The following TJP1 variants were observed in gnomAD, a reference collection of about 807,000 sequenced individuals.
TJP1 encodes tight junction protein 1.
In TJP1, 43 loss-of-function variants were observed where a neutral mutation model predicts 194.2. The observed-to-expected ratio is 0.22, with a 90% CI of 0.17 to 0.29. The LOEUF is 0.29. Ranked by LOEUF, TJP1 falls within the 10% of genes least tolerant of loss-of-function variation. TJP1 has a pLI of 1.00. For synonymous variants in TJP1, 801 were observed against 779.0 expected, an observed-to-expected ratio of 1.03 and a Z score of -0.47; for missense variants, 1,971 against 2,185.7, an observed-to-expected ratio of 0.90 and a Z score of 1.96.
At chr15:29,917,114 A>G (rs1771964788) in intron 2 of TJP1, among the ~76,000 whole-genome samples, 2 of 152,254 alleles carry the variant, frequency 1.3e-5, no homozygotes, top group African/African-American at 4.8e-5. Flanking sequence ...CTATCAGGAC[A>G]CACAGCTATG....
intron 2 of TJP1, among the ~76,000 whole-genome samples, chr15:29,926,436 A>G (rs2054527496): frequency 6.6e-6 from 1 of 152,086 alleles, no homozygotes; most frequent in Admixed American, 6.6e-5. Context: ...ACATGGTGAA[A>G]CCGTCTCTAC....
At chr15:29,949,340 T>A (rs59143965) in intron 2 of TJP1, among the ~76,000 whole-genome samples, 57 of 75,432 alleles carry the variant, frequency 7.6e-4, no homozygotes, top group South Asian at 1.1e-3. Context: ...CTCCACCACC[T>A]CCACCACCAC....
intron 1 of TJP1, among the ~76,000 whole-genome samples, chr15:29,804,258 T>C (rs554418951): frequency 6.6e-6 from 1 of 152,232 alleles, no homozygotes; most frequent in African/African-American, 2.4e-5. Context: ...ATGATAATGG[T>C]AGAATCTTAG....
At chr15:29,840,790 A>G (rs2051197732) in intron 2 of TJP1, among the ~76,000 whole-genome samples, 1 of 152,228 alleles carries the variant, frequency 6.6e-6, no homozygotes, top group African/African-American at 2.4e-5. Context: ...GGGATAGAAG[A>G]AAGAATAACT....
intron 1 of TJP1, among the ~76,000 whole-genome samples, chr15:29,817,792 C>T (rs1402513074): frequency 3.3e-5 from 5 of 152,144 alleles, no homozygotes. Flanking sequence ...AATGAGAACA[C>T]ATGGACACAG....
At chr15:29,857,996 C>T (rs1402953245) in intron 2 of TJP1, among the ~76,000 whole-genome samples, 1 of 152,150 alleles carries the variant, frequency 6.6e-6, no homozygotes, top group Non-Finnish European at 1.5e-5. Flanking sequence ...CTCCTGACCT[C>T]AGGTGATTCA....
At chr15:29,756,344 A>G (rs538407454) in intron 8 of TJP1, among the ~76,000 whole-genome samples, 1 of 152,254 alleles carries the variant, frequency 6.6e-6, no homozygotes, top group Non-Finnish European at 1.5e-5. Context: ...TTCCCTATGT[A>G]TATGTATTTT....
rs1453331143 is a variant in TJP1 at position 29,931,266 on chromosome 15, G to A, written c.306+24966C>T. Among the ~76,000 whole-genome samples the A allele has an allele frequency of 2.0e-5, 3 of 152,252 alleles. 1 individual carries two copies. The South Asian group carries it at 6.2e-4, about 32-fold the overall frequency. On this transcript the variant is annotated intron_variant, in intron 2 of 28. Transcript: ENST00000356107. ...AGTAGGCTGCAGAGGAGGAGGAAGA[G>A]GAGGGGTTGATCCTGCTGTCTCAGG...
chr15:29,737,128 A>G, intron 11 of TJP1, 136 bp downstream of exon 11: 1 of 1,061,146 alleles, frequency 9.4e-7, no homozygotes, highest in Non-Finnish European at 1.3e-6. Flanking sequence ...ATGGATTTTG[A>G]CTTTCAAAGT....
Position 29,869,652 on chromosome 15 carries a change from T to G in TJP1, c.307-68950A>C, listed in dbSNP as rs548586757. ...CTGCTGAGGCGACTTATCAGTCCCT[T>G]GAAGCCAAATCAGACAGGCACCTTA... On this transcript the variant is annotated intron_variant, in intron 2 of 28. Transcript: ENST00000356107. 2.7e-4 allele frequency among the ~76,000 whole-genome samples: 41 copies of G among 152,138 alleles called. No homozygotes were observed. The East Asian group carries it at 7.7e-3, about 29-fold the overall frequency.
At chr15:29,833,881 A>ATTTTTTTTTTTTTTTTTTTT (rs10650949) in intron 2 of TJP1, among the ~76,000 whole-genome samples, 2 of 12,616 alleles carry the variant, frequency 1.6e-4, no homozygotes, top group African/African-American at 3.0e-4. Flanking sequence ...ATATATATAT[A>ATTTTTTTTTTTTTTTTTTTT]TTTTTTTTTT....
intron 2 of TJP1, among the ~76,000 whole-genome samples, chr15:29,830,177 AAATTT>A (rs1448024723): frequency 6.6e-6 from 1 of 151,996 alleles, no homozygotes; most frequent in Non-Finnish European, 1.5e-5. Context: ...AAAAAATCTT[AAATTT>A]AATTCAGTAG....
intron 2 of TJP1, among the ~76,000 whole-genome samples, chr15:29,830,038 A>T (rs2050789541): frequency 6.6e-6 from 1 of 152,020 alleles, no homozygotes; most frequent in African/African-American, 2.4e-5. Context: ...TTAAAAAAAA[A>T]GCCATCTCTA....
At chr15:29,851,191 C>CCAGCT (rs919283328) in intron 2 of TJP1, among the ~76,000 whole-genome samples, 1 of 151,516 alleles carries the variant, frequency 6.6e-6, no homozygotes, top group Non-Finnish European at 1.5e-5. Context: ...ATAGAAAAGA[C>CCAGCT]CAGCTCTTTA....
intron 23 of TJP1, 28 bp downstream of exon 23, chr15:29,716,582 AT>A: frequency 6.5e-7 from 1 of 1,540,200 alleles, no homozygotes; most frequent in Non-Finnish European, 9.0e-7. Context: ...GCTGCATCCT[AT>A]TTTTAAAAGC....
chr15:29,856,281 G>A (rs1333413331), intron 2 of TJP1, among the ~76,000 whole-genome samples: 2 of 152,078 alleles, frequency 1.3e-5, no homozygotes, highest in African/African-American at 4.8e-5. Context: ...ACTTCTACAG[G>A]TATTGATACA....
At chr15:29,711,687 G>T (rs1006638100) in intron 23 of TJP1, among the ~76,000 whole-genome samples, 1 of 152,120 alleles carries the variant, frequency 6.6e-6, no homozygotes, top group Admixed American at 6.5e-5. Flanking sequence ...TTCTGATTTT[G>T]TATCTGGCAT....
chr15:29,893,808 G>A (rs2053390530), intron 2 of TJP1, among the ~76,000 whole-genome samples: 1 of 152,012 alleles, frequency 6.6e-6, no homozygotes, highest in South Asian at 2.1e-4. Context: ...CTTTATTGTG[G>A]TGGTCTGGAA....
chr15:29,717,788 A>C (rs1295893589), intron 22 of TJP1, among the ~76,000 whole-genome samples: 1 of 152,226 alleles, frequency 6.6e-6, no homozygotes, highest in Non-Finnish European at 1.5e-5. Flanking sequence ...CTTGGAGAAT[A>C]TCTTTCCGAA....
Sources: gnomAD v4.1 joint callset for allele counts (sites outside exome capture counted in the v4.1 genomes callset) on GRCh38, gnomAD v4.1.1 for gene constraint, MANE v1.5 for transcripts, NCBI Gene and HGNC (gene_info 2026-07-23, HGNC 2026-07-21) for gene names.